The following ZNF564 variants were observed in gnomAD, a reference collection of about 807,000 sequenced individuals.
ZNF564 encodes the protein zinc finger protein 564.
ZNF564 carries 5 observed loss-of-function variants against 10.5 expected under a neutral mutation model. The ratio of observed to expected loss-of-function variants is 0.48; its 90% CI spans 0.25 to 1.00. The LOEUF (loss-of-function observed/expected upper bound fraction) is 1.00, where lower values mean the gene tolerates loss of function less well. ZNF564 is among the 50% of genes least tolerant of loss of function. ZNF564 has a pLI of 0.16. For synonymous variants in ZNF564, 242 were observed against 218.1 expected (o/e 1.11, Z -0.97); for missense variants, 603 against 669.7 (o/e 0.90, Z 1.10).
chr19:12,540,837 C>G (rs185865631), intron 1 of ZNF564, among the ~76,000 whole-genome samples: 1,786 of 149,862 alleles, frequency 0.012, 13 homozygotes, highest in Non-Finnish European at 0.019. Context: ...CTGGGTGACA[C>G]AGCAAGACTC....
chr19:12,525,821 GTTCAAAGATAGCTATC>G lies in ZNF564; in HGVS notation c.*609_*624del. 6.6e-6 allele frequency: 1 copy of G among 152,376 alleles called. No individual in the cohort carries two copies. The highest frequency in any genetic ancestry group is 2.1e-4 in the South Asian group (1 of 4,836). The allele number at this position is 152,376 out of a possible 1,614,324, so 9.4% of individuals were successfully genotyped here. A position where few individuals can be genotyped will look rare whatever the true frequency, so the allele number is the denominator to read the frequency against. ...ATGTCTGGTAAGGGCCTGCTTCCCGGTTCAAAGATAGCTATCTTCTCACTGCACCCTCTCATGGTGA... is the reference window on the plus strand; with the variant it reads ...ATGTCTGGTAAGGGCCTGCTTCCCGGTTCTCACTGCACCCTCTCATGGTGA... On this transcript the variant is annotated 3_prime_UTR_variant, in exon 4 of 4. Transcript: ENST00000339282.
intron 1 of ZNF564, among the ~76,000 whole-genome samples, chr19:12,550,045 C>A (rs572001525): frequency 2.6e-5 from 4 of 152,098 alleles, no homozygotes; most frequent in African/African-American, 9.6e-5. Flanking sequence ...GTAATCCCAG[C>A]ACTTTGGGAG....
chr19:12,549,956 G>A (rs1358574229), intron 1 of ZNF564, among the ~76,000 whole-genome samples: 1 of 152,198 alleles, frequency 6.6e-6, no homozygotes, highest in Non-Finnish European at 1.5e-5. Flanking sequence ...TTCTGATTAG[G>A]CGTCGGGGCT....
At position 12,550,896 on chromosome 19, in the gene ZNF564, T is replaced by C. The variant is rs947347927; in HGVS notation, c.3+434A>G. Among the ~76,000 whole-genome samples, 3 of 152,148 alleles carry C rather than the reference T, an allele frequency of 2.0e-5. No homozygotes were observed. The East Asian group carries it at 5.8e-4, about 29-fold the overall frequency. On this transcript the variant is annotated intron_variant, in intron 1 of 3. Coordinates refer to ENST00000339282, the MANE Select transcript of ZNF564 (RefSeq NM_144976.4). ...CGGGAGTCGTAGGTTTGAGATTCTT[T>C]TTCCAGTACGTTTGGAAGACTCGGA...
At chr19:12,544,039 G>A (rs780172843) in intron 1 of ZNF564, among the ~76,000 whole-genome samples, 1 of 152,130 alleles carries the variant, frequency 6.6e-6, no homozygotes, top group Non-Finnish European at 1.5e-5. Flanking sequence ...ACTTGAACTT[G>A]GACTTCCCAG....
Position 12,527,856 on chromosome 19 carries a change from G to A in ZNF564, c.252C>T (p.Phe84=). The part of the protein sequence containing the change: ...SKEYDQCGEA[F]SQILNLNLNK... ...TCAGATTAAGATTGAGAATCTGACT[G>A]AAGGCTTCTCCACATTGATCATATT... Residue 84 remains phenylalanine, a synonymous_variant, in exon 4 of 4, where the codon TTC becomes TTT. Coordinates refer to ENST00000339282, the MANE Select transcript of ZNF564 (RefSeq NM_144976.4). The A allele has an allele frequency of 6.2e-7, 1 of 1,613,882 alleles. No individual in the cohort carries two copies. Among genetic ancestry groups the A allele is most frequent in the Non-Finnish European group, 8.5e-7 (1 of 1,179,820 alleles).
intron 2 of ZNF564, 96 bp downstream of exon 2, chr19:12,528,474 A>G: frequency 1.9e-6 from 3 of 1,583,460 alleles, no homozygotes; most frequent in Non-Finnish European, 1.7e-6. Context: ...TCACCCAAGT[A>G]TTCCCTTTTC....
At chr19:12,539,770 T>TA (rs1341284199) in intron 1 of ZNF564, among the ~76,000 whole-genome samples, 1 of 151,312 alleles carries the variant, frequency 6.6e-6, no homozygotes, top group Non-Finnish European at 1.5e-5. Flanking sequence ...GGTCAGGAGA[T>TA]AAAGACCATC....
At chr19:12,535,954 ACTGAG>A (rs1284657861) in intron 1 of ZNF564, among the ~76,000 whole-genome samples, 1 of 151,072 alleles carries the variant, frequency 6.6e-6, no homozygotes, top group Non-Finnish European at 1.5e-5. Flanking sequence ...TGCAGGTTGC[ACTGAG>A]CTGAGACTGT....
intron 1 of ZNF564, among the ~76,000 whole-genome samples, chr19:12,547,697 G>A (rs2022179148): frequency 6.6e-6 from 1 of 152,106 alleles, no homozygotes; most frequent in South Asian, 2.1e-4. Context: ...TTCTACCCAG[G>A]AAGAACCAAC....
At chr19:12,537,735 T>A (rs2021946110) in intron 1 of ZNF564, among the ~76,000 whole-genome samples, 1 of 111,346 alleles carries the variant, frequency 9.0e-6, no homozygotes. Context: ...TGAAACTCCG[T>A]CTCAAAAAAA....
chr19:12,545,545 G>A (rs1306441133), intron 1 of ZNF564, among the ~76,000 whole-genome samples: 1 of 152,266 alleles, frequency 6.6e-6, no homozygotes, highest in East Asian at 1.9e-4. Context: ...CAACATGCCA[G>A]TTCACATGCC....
rs192621907 is a variant in ZNF564 at position 12,528,020 on chromosome 19, G to C, written c.192-104C>G. 2.6e-5 allele frequency: 33 copies of C among 1,286,268 alleles called. No homozygotes were observed. The South Asian group carries it at 3.8e-4, about 15-fold the overall frequency. 79.7% of individuals were successfully genotyped at this position (1,286,268 alleles called of 1,614,324 possible). On this transcript the variant is annotated intron_variant, in intron 3 of 3. Coordinates refer to ENST00000339282, the MANE Select transcript of ZNF564 (RefSeq NM_144976.4). ...TAATCGCGGAAAGGGTAAGTTTTCA[G>C]GCCTGTATGAATTGTTTGAAAGTGA...
At chr19:12,543,661 G>A (rs1161464659) in intron 1 of ZNF564, among the ~76,000 whole-genome samples, 1 of 116,924 alleles carries the variant, frequency 8.6e-6, no homozygotes, top group African/African-American at 3.3e-5. Flanking sequence ...GCAACAAAGC[G>A]AGACTTCGTC....
In ZNF564 at chr19:12,526,664, A is replaced by G. The variant is rs756807606; in HGVS notation, c.1444T>C (p.Cys482Arg). The G allele has an allele frequency of 6.2e-7, 1 of 1,614,154 alleles. No homozygotes were observed. Among genetic ancestry groups the G allele is most frequent in the Admixed American group, 1.7e-5 (1 of 60,026 alleles). ...CTGGCATAATTGAATGCTTTCCCAC[A>G]TTCTTTACATTCATAGGGTTTTTCT... ...TGEKPYECKE[C>R]GKAFNYASSI... The change falls in exon 4 of 4, where the codon TGT becomes CGT. Residue 482 changes from cysteine (C) to arginine (R), a missense_variant. Coordinates refer to ENST00000339282, the MANE Select transcript of ZNF564 (RefSeq NM_144976.4).
At chr19:12,535,068 A>T (rs2021883298) in intron 1 of ZNF564, among the ~76,000 whole-genome samples, 1 of 152,046 alleles carries the variant, frequency 6.6e-6, no homozygotes, top group African/African-American at 2.4e-5. Flanking sequence ...TAAGACATAG[A>T]GGAAATTTAA....
chr19:12,528,562 A>C lies in ZNF564; in HGVS notation c.130+8T>G, dbSNP rs1184542599. The C allele has an allele frequency of 1.2e-6, 2 of 1,611,360 alleles. No homozygotes were observed. The highest frequency in any genetic ancestry group is 1.7e-6 in the Non-Finnish European group (2 of 1,179,412). On this transcript the variant is annotated splice_region_variant and intron_variant, in intron 2 of 3. Coordinates refer to ENST00000339282, the MANE Select transcript of ZNF564 (RefSeq NM_144976.4). ...ACTGACTAAAAGAAGGAATGATGTC[A>C]TCCTTACCTACACAGGCCAGGTTTC...
chr19:12,531,361 G>A (rs930981076), intron 1 of ZNF564, among the ~76,000 whole-genome samples: 2 of 152,008 alleles, frequency 1.3e-5, no homozygotes, highest in African/African-American at 4.8e-5. Flanking sequence ...TGAGTTAGGA[G>A]TTTGAGTCTG....
chr19:12,545,217 G>A (rs760961288), intron 1 of ZNF564, among the ~76,000 whole-genome samples: 102 of 141,730 alleles, frequency 7.2e-4, no homozygotes, highest in Non-Finnish European at 8.4e-4. Flanking sequence ...AGCCAAGATC[G>A]CACCATTGCA....
Sources: gnomAD v4.1 joint callset for allele counts (sites outside exome capture counted in the v4.1 genomes callset) on GRCh38, gnomAD v4.1.1 for gene constraint, MANE v1.5 for transcripts, NCBI Gene and HGNC (gene_info 2026-07-23, HGNC 2026-07-21) for gene names.